ADK: variants seen among roughly 807,000 people sequenced by gnomAD.
ADK encodes the protein N6,N6-dimethyladenosine kinase.
Under a neutral mutation model 44.7 loss-of-function variants are expected in ADK, and 24 were observed. The observed-to-expected ratio is 0.54, with a 90% CI of 0.39 to 0.76. The LOEUF (loss-of-function observed/expected upper bound fraction) is 0.76, where lower values mean the gene tolerates loss of function less well. Among genes scored for constraint, ADK ranks in the 30% least tolerant of loss-of-function variants. The pLI, the probability that ADK is intolerant of heterozygous loss-of-function variation, is 0.00. For synonymous variants in ADK, 128 were observed against 142.6 expected, an observed-to-expected ratio of 0.90 and a Z score of 0.73; for missense variants, 321 against 425.1, an observed-to-expected ratio of 0.76 and a Z score of 2.15.
intron 7 of ADK, among the ~76,000 whole-genome samples, chr10:74,541,648 C>T (rs1276210867): frequency 1.3e-5 from 2 of 151,234 alleles, no homozygotes; most frequent in Non-Finnish European, 3.0e-5. Flanking sequence ...GTAAAATTCA[C>T]CAGGCATGAT....
chr10:74,524,071 C>G (rs1341308181), intron 6 of ADK, among the ~76,000 whole-genome samples: 1 of 152,084 alleles, frequency 6.6e-6, no homozygotes, highest in African/African-American at 2.4e-5. Flanking sequence ...CTATTATTGC[C>G]CTTTGTGTAT....
chr10:74,420,692 G>T (rs1205018877), intron 6 of ADK, among the ~76,000 whole-genome samples: 1 of 151,996 alleles, frequency 6.6e-6, no homozygotes, highest in Non-Finnish European at 1.5e-5. Flanking sequence ...CCACGAAAAA[G>T]TTAATTAAAG....
At position 74,567,797 on chromosome 10, in the gene ADK, C is replaced by G. The variant is rs1056958092; in HGVS notation, c.727-21485C>G. Among the ~76,000 whole-genome samples the G allele has an allele frequency of 2.0e-5, 3 of 150,006 alleles. No individual in the cohort carries two copies. The East Asian group carries it at 5.9e-4, about 29-fold the overall frequency. On this transcript the variant is annotated intron_variant, in intron 7 of 10. Coordinates refer to ENST00000539909, the MANE Select transcript of ADK (RefSeq NM_006721.4). ...CACTGCAACCTCCGCCTCCCAGATT[C>G]ACGCCATTCTCCTGCCTCAGCCTCC...
At chr10:74,689,982 G>A (rs1204879183) in intron 10 of ADK, among the ~76,000 whole-genome samples, 1 of 152,166 alleles carries the variant, frequency 6.6e-6, no homozygotes, top group African/African-American at 2.4e-5. Flanking sequence ...GGTCCGTGAT[G>A]GGGCTTAAGT....
At chr10:74,274,732 G>GTATATATATATAAATATATA (rs1846594972) in intron 3 of ADK, among the ~76,000 whole-genome samples, 1 of 84,170 alleles carries the variant, frequency 1.2e-5, no homozygotes, top group Non-Finnish European at 2.6e-5. Context: ...TTTAATGTGT[G>GTATATATATATAAATATATA]TATATATATA....
At chr10:74,281,225 G>T (rs1431981946) in intron 3 of ADK, among the ~76,000 whole-genome samples, 1 of 152,210 alleles carries the variant, frequency 6.6e-6, no homozygotes, top group Non-Finnish European at 1.5e-5. Flanking sequence ...TGATGCCCTG[G>T]TTTTGATCAC....
At chr10:74,685,292 A>C (rs187237229) in intron 10 of ADK, among the ~76,000 whole-genome samples, 3 of 152,342 alleles carry the variant, frequency 2.0e-5, no homozygotes, top group Admixed American at 2.0e-4. Flanking sequence ...TAAACTTTTT[A>C]TGTCTTCTTG....
chr10:74,244,683 T>C (rs1284634833), intron 3 of ADK, among the ~76,000 whole-genome samples: 1 of 152,222 alleles, frequency 6.6e-6, no homozygotes, highest in Non-Finnish European at 1.5e-5. Flanking sequence ...TTGAGTTACA[T>C]TGTGATTTAC....
chr10:74,302,066 TA>T (rs1376777331), intron 3 of ADK, among the ~76,000 whole-genome samples: 2 of 149,408 alleles, frequency 1.3e-5, no homozygotes, highest in African/African-American at 5.0e-5. Flanking sequence ...TTTTAAAGCT[TA>T]TTTTTGCTTT....
chr10:74,537,043 T>G (rs190200733), intron 7 of ADK, among the ~76,000 whole-genome samples: 42 of 152,290 alleles, frequency 2.8e-4, no homozygotes, highest in African/African-American at 1.0e-3. Flanking sequence ...CCACAACAGG[T>G]ACACCATTTT....
intron 9 of ADK, among the ~76,000 whole-genome samples, chr10:74,650,102 G>A (rs537984475): frequency 1.3e-5 from 2 of 152,110 alleles, no homozygotes; most frequent in Non-Finnish European, 2.9e-5. Flanking sequence ...CCTTATCAGA[G>A]GCCACTGTGG....
chr10:74,642,076 T>C (rs1853866180), intron 9 of ADK, among the ~76,000 whole-genome samples: 1 of 152,210 alleles, frequency 6.6e-6, no homozygotes, highest in African/African-American at 2.4e-5. Flanking sequence ...CACAACAGAT[T>C]GAATACTGAA....
intron 7 of ADK, among the ~76,000 whole-genome samples, chr10:74,587,459 C>CT: frequency 6.6e-6 from 1 of 152,262 alleles, no homozygotes; most frequent in Non-Finnish European, 1.5e-5. Context: ...ACATTTTGAC[C>CT]TTTCTAAATC....
At chr10:74,489,290 T>C (rs927692328) in intron 6 of ADK, among the ~76,000 whole-genome samples, 1 of 151,956 alleles carries the variant, frequency 6.6e-6, no homozygotes, top group Non-Finnish European at 1.5e-5. Flanking sequence ...AATATACCTG[T>C]CAGAGATTAT....
intron 4 of ADK, among the ~76,000 whole-genome samples, chr10:74,381,665 A>G (rs529608682): frequency 2.0e-5 from 3 of 152,348 alleles, no homozygotes; most frequent in South Asian, 2.1e-4. Context: ...CTAACTGTGC[A>G]TGAAATTGCA....
chr10:74,503,037 T>A (rs1458465837), intron 6 of ADK, among the ~76,000 whole-genome samples: 1 of 152,220 alleles, frequency 6.6e-6, no homozygotes, highest in Non-Finnish European at 1.5e-5. Context: ...TTATCTGGGT[T>A]GTTGTTTTCA....
intron 6 of ADK, among the ~76,000 whole-genome samples, chr10:74,436,478 C>CAAATAAA (rs1845182043): frequency 7.1e-6 from 1 of 140,504 alleles, no homozygotes; most frequent in Non-Finnish European, 1.5e-5. Flanking sequence ...TTACTGTCTC[C>CAAATAAA]AAAAAAAAAA....
At chr10:74,317,715 A>C (rs1840673072) in intron 4 of ADK, among the ~76,000 whole-genome samples, 1 of 152,192 alleles carries the variant, frequency 6.6e-6, no homozygotes, top group Non-Finnish European at 1.5e-5. Context: ...TTGGCAGTAC[A>C]TTGAGAATGA....
At chr10:74,370,558 C>T (rs1006608379) in intron 4 of ADK, among the ~76,000 whole-genome samples, 2 of 152,080 alleles carry the variant, frequency 1.3e-5, no homozygotes, top group Admixed American at 1.3e-4. Context: ...TTTCAGTTAG[C>T]CCTCTAAAAT....
Sources: gnomAD v4.1 joint callset for allele counts (sites outside exome capture counted in the v4.1 genomes callset) on GRCh38, gnomAD v4.1.1 for gene constraint, MANE v1.5 for transcripts, NCBI Gene and HGNC (gene_info 2026-07-23, HGNC 2026-07-21) for gene names.